The following PPEF1 variants were observed in gnomAD, a reference collection of about 807,000 sequenced individuals.
The protein encoded by PPEF1 is protein phosphatase with EF-hand domain 1.
PPEF1 carries 12 observed loss-of-function variants against 53.3 expected under a neutral mutation model. The observed-to-expected ratio is 0.23, with a 90% confidence interval of 0.14 to 0.36. PPEF1 has a LOEUF of 0.36. Ranked by LOEUF, PPEF1 falls within the 10% of genes least tolerant of loss-of-function variation. The probability of loss-of-function intolerance (pLI) is 1.00; values close to 1 mark genes in which losing one functional copy is unlikely to be tolerated. For synonymous variants in PPEF1, 165 were observed against 176.7 expected, an observed-to-expected ratio of 0.93 and a Z score of 0.52; for missense variants, 334 against 490.4, an observed-to-expected ratio of 0.68 and a Z score of 3.01.
chrX:18,755,288 C>T (rs1001885014), intron 4 of PPEF1, among the ~76,000 whole-genome samples: 5 of 111,386 alleles, frequency 4.5e-5, no homozygotes, highest in Non-Finnish European at 7.5e-5. Flanking sequence ...TGTATGAGGC[C>T]GGGTGCAGTG....
In PPEF1 at chrX:18,793,684, C is replaced by A. The variant is rs756119469; in HGVS notation, c.1065+4411C>A. Among the ~76,000 whole-genome samples, 395 of 100,355 alleles carry A rather than the reference C, an allele frequency of 3.9e-3. 2 individuals carry two copies. Among genetic ancestry groups the A allele is most frequent in the Non-Finnish European group, 6.1e-3 (302 of 49,360 alleles). The allele number at this position is 100,355 out of a possible 115,157, so 87.1% of individuals were successfully genotyped here. ...AGCAGTTTTTATTGCCTGCTTCCCC[C>A]CTCCGCTCCCCCCACCCCCCGCCCG... is the stretch of plus-strand genomic sequence containing the variant. On this transcript the variant is annotated intron_variant, in intron 10 of 15. Transcript: ENST00000470157.
chrX:18,811,381 T>G (rs955055966), intron 12 of PPEF1, among the ~76,000 whole-genome samples: 5 of 110,186 alleles, frequency 4.5e-5, no homozygotes, highest in African/African-American at 6.6e-5. Context: ...ATTGTTCTCT[T>G]AGTGGTGTGA....
At position 18,731,624 on chromosome X, in the gene PPEF1, C is replaced by T. The variant is rs184988487; in HGVS notation, c.174+1316C>T. Among the ~76,000 whole-genome samples, 18 of 111,887 alleles carry T rather than the reference C, an allele frequency of 1.6e-4. 1 individual carries two copies. The East Asian group carries it at 4.8e-3, about 30-fold the overall frequency. On this transcript the variant is annotated intron_variant, in intron 2 of 15. Transcript: ENST00000470157. ...CTTTATTGAGATGTAATTCACATGC[C>T]ATACAATTCACCCATTTAAAGTGTG...
intron 10 of PPEF1, among the ~76,000 whole-genome samples, chrX:18,801,730 C>T (rs2046548955): frequency 9.0e-6 from 1 of 111,050 alleles, no homozygotes; most frequent in African/African-American, 3.3e-5. Context: ...CACCTGTAAT[C>T]CCAACACCTT....
chrX:18,825,310 C>T (rs1268689047), intron 14 of PPEF1, among the ~76,000 whole-genome samples: 4 of 111,551 alleles, frequency 3.6e-5, no homozygotes, highest in Non-Finnish European at 5.6e-5. Flanking sequence ...TTTGACGTCA[C>T]TTCAGAGGCA....
chrX:18,694,995 A>G (rs1392251078), intron 4 of PPEF1, among the ~76,000 whole-genome samples: 2 of 111,864 alleles, frequency 1.8e-5, no homozygotes, highest in Non-Finnish European at 3.8e-5. Context: ...AAAACAACAC[A>G]TGTTTATGAT....
In PPEF1 at chrX:18,779,140, A is replaced by T. The variant is rs747983468; in HGVS notation, c.689A>T (p.Asn230Ile). The T allele has an allele frequency of 8.3e-7, 1 of 1,208,045 alleles. No homozygotes were observed. The highest frequency in any genetic ancestry group is 1.1e-6 in the Non-Finnish European group (1 of 893,646). ...FLVYPNDLHL[N>I]RGNHEDFMMN... ...GTCTACCCCAATGACCTGCACTTGA[A>T]CAGAGGGAACCACGAAGATTTTATG... The change falls in exon 7 of 16, where the codon AAC becomes ATC. Residue 230 changes from asparagine to isoleucine, a missense_variant. Physicochemically the swap from Asn to Ile is moderately radical, Grantham distance 149. Transcript: ENST00000470157.
At chrX:18,681,014 C>A (rs907744110), upstream of PPEF1, among the ~76,000 whole-genome samples, 1 of 111,253 alleles carries the variant, frequency 9.0e-6, no homozygotes, top group East Asian at 2.8e-4. Context: ...TCCAGTCTAT[C>A]GTTGTTGGAC....
rs942426011 is a variant in PPEF1, at chrX:18,685,695, A to G, written c.-519-443A>G. Among the ~76,000 whole-genome samples, 21 of 108,061 alleles carry G rather than the reference A, an allele frequency of 1.9e-4. No individual in the cohort carries two copies. The Admixed American group carries it at 2.0e-3, about 10-fold the overall frequency. The allele number at this position is 108,061 out of a possible 115,157, so 93.8% of individuals were successfully genotyped here. A position where few individuals can be genotyped will look rare whatever the true frequency, so the allele number is the denominator to read the frequency against. On this transcript the variant is annotated intron_variant, in intron 2 of 21. Transcript: ENST00000361511. ...GCGAGACTCCATCTCAAAAAAAAAAAAAAAAAAAGAAAAAAAAGCAGTGGG... is the reference window on the plus strand; with the variant it reads ...GCGAGACTCCATCTCAAAAAAAAAAGAAAAAAAAGAAAAAAAAGCAGTGGG...
chrX:18,709,937 T>G lies in PPEF1; in HGVS notation c.46+2111T>G, dbSNP rs115019911. On this transcript the variant is annotated intron_variant, in intron 1 of 15. Coordinates refer to ENST00000470157, the MANE Select transcript of PPEF1 (RefSeq NM_001377996.1). The stretch of plus-strand genomic sequence containing the variant: ...CATTTTGAGAAATTTCCAAGCTGTT[T>G]TCCCAAGTGACTGCACCATTCTACA... Among the ~76,000 whole-genome samples, 499 of 112,309 alleles carry G rather than the reference T, an allele frequency of 4.4e-3. 3 individuals are homozygous for G. Among genetic ancestry groups the G allele is most frequent in the African/African-American group, 0.016 (485 of 30,932 alleles).
chrX:18,792,263 T>G (rs5909085), intron 10 of PPEF1, among the ~76,000 whole-genome samples: 40,495 of 111,429 alleles, frequency 0.36, 6,963 homozygotes, highest in Non-Finnish European at 0.54. Flanking sequence ...ATTCTTCAAA[T>G]GTTTGATAGA....
intron 6 of PPEF1, among the ~76,000 whole-genome samples, chrX:18,764,210 G>A (rs759678930): frequency 2.7e-5 from 3 of 111,564 alleles, no homozygotes; most frequent in Admixed American, 9.5e-5. Context: ...TCGAAAGAGA[G>A]TATTGGCGAT....
chrX:18,732,474 A>G (rs1041350262), intron 2 of PPEF1, among the ~76,000 whole-genome samples: 2 of 112,201 alleles, frequency 1.8e-5, no homozygotes, highest in African/African-American at 6.5e-5. Flanking sequence ...TCCCACCAGC[A>G]GTGGATGAGG....
At chrX:18,762,373 G>A (rs1199414978) in intron 6 of PPEF1, among the ~76,000 whole-genome samples, 6 of 111,546 alleles carry the variant, frequency 5.4e-5, no homozygotes, top group Admixed American at 9.5e-5. Context: ...ATAATTGGGC[G>A]TAGCGTAGGT....
intron 6 of PPEF1, among the ~76,000 whole-genome samples, chrX:18,769,960 CTGTT>C (rs2147539414): frequency 8.9e-6 from 1 of 111,746 alleles, no homozygotes; most frequent in African/African-American, 3.2e-5. Context: ...GTTTTTGTCT[CTGTT>C]TAAGTTAATT....
chrX:18,824,064 G>T lies in PPEF1; in HGVS notation c.1643G>T (p.Arg548Leu). The change falls in exon 14 of 16, where the codon CGC (arginine) becomes CTC (leucine). Residue 548 changes from arginine (R) to leucine (L), a missense_variant. By Grantham distance (102) the Arg-to-Leu change is moderately radical. Transcript: ENST00000470157. ...VEYMSSFQNI[R>L]IEKPVQEAHS... ...TACATGTCCAGCTTCCAGAATATCC[G>T]CATTGAAAAACCTGTACAAGAGGCA... is the stretch of plus-strand genomic sequence containing the variant. 2 of 1,200,451 alleles carry T rather than the reference G, an allele frequency of 1.7e-6. No homozygotes were observed. Among genetic ancestry groups the T allele is most frequent in the Non-Finnish European group, 2.3e-6 (2 of 887,960 alleles).
intron 4 of PPEF1, among the ~76,000 whole-genome samples, chrX:18,694,736 A>T (rs1310706785): frequency 9.0e-6 from 1 of 111,647 alleles, no homozygotes; most frequent in East Asian, 2.8e-4. Flanking sequence ...ACCCTGTCTC[A>T]ACCCCCCCAC....
upstream of PPEF1, among the ~76,000 whole-genome samples, chrX:18,702,739 G>A (rs1602357114): frequency 9.0e-6 from 1 of 110,787 alleles, no homozygotes; most frequent in East Asian, 2.8e-4. Context: ...CCTTTTAGCG[G>A]AAGGCTTTCC....
chrX:18,742,879 CT>C, intron 3 of PPEF1, among the ~76,000 whole-genome samples: 1 of 110,637 alleles, frequency 9.0e-6, no homozygotes, highest in African/African-American at 3.3e-5. Context: ...GGTTACCTCT[CT>C]TTTTCTCACG....
Sources: gnomAD v4.1 joint callset for allele counts (sites outside exome capture counted in the v4.1 genomes callset) on GRCh38, gnomAD v4.1.1 for gene constraint, MANE v1.5 for transcripts, NCBI Gene and HGNC (gene_info 2026-07-23, HGNC 2026-07-21) for gene names.